The following GALNTL6 variants were observed in gnomAD, a reference collection of about 807,000 sequenced individuals.
The protein encoded by GALNTL6 is polypeptide N-acetylgalactosaminyltransferase like 6.
A neutral mutation model predicts 73.7 loss-of-function variants in GALNTL6; 46 were observed. The observed-to-expected ratio is 0.62, with a 90% CI of 0.49 to 0.80. The LOEUF is 0.80. GALNTL6 is among the 30% of genes least tolerant of loss of function. The probability of loss-of-function intolerance (pLI) is 0.00; values close to 1 mark genes in which losing one functional copy is unlikely to be tolerated. For synonymous variants in GALNTL6, 259 were observed against 263.7 expected (o/e 0.98, Z 0.17); for missense variants, 604 against 755.0 (o/e 0.80, Z 2.34).
intron 5 of GALNTL6, among the ~76,000 whole-genome samples, chr4:172,634,880 T>C (rs556956160): frequency 6.6e-6 from 1 of 152,232 alleles, no homozygotes; most frequent in South Asian, 2.1e-4. Context: ...AACAGAGATA[T>C]ATACAAAAGG....
chr4:172,184,433 C>A (rs1466024703), intron 2 of GALNTL6, among the ~76,000 whole-genome samples: 16 of 152,070 alleles, frequency 1.1e-4, no homozygotes, highest in Admixed American at 1.0e-3. Flanking sequence ...CCAGGGGTCT[C>A]TATGTCTTCT....
chr4:172,627,706 C>T (rs1739221714), intron 5 of GALNTL6, among the ~76,000 whole-genome samples: 1 of 151,656 alleles, frequency 6.6e-6, no homozygotes, highest in Non-Finnish European at 1.5e-5. Context: ...CTTAGGGTTC[C>T]AGTTTCTTCC....
At chr4:171,938,240 A>G (rs1041932976) in intron 2 of GALNTL6, among the ~76,000 whole-genome samples, 1 of 152,110 alleles carries the variant, frequency 6.6e-6, no homozygotes, top group Non-Finnish European at 1.5e-5. Flanking sequence ...AGGGAATGTT[A>G]AGTGTGAAAT....
At chr4:172,167,359 A>G (rs897879927) in intron 2 of GALNTL6, among the ~76,000 whole-genome samples, 1 of 152,210 alleles carries the variant, frequency 6.6e-6, no homozygotes. Context: ...AATTTAGAAG[A>G]TGGTATGCAT....
At chr4:172,624,948 C>T (rs1188467763) in intron 5 of GALNTL6, among the ~76,000 whole-genome samples, 5 of 151,872 alleles carry the variant, frequency 3.3e-5, no homozygotes, top group African/African-American at 1.2e-4. Context: ...GTAAGTTTTT[C>T]AACCCTTTAC....
At chr4:171,836,878 C>G (rs1345910874) in intron 2 of GALNTL6, among the ~76,000 whole-genome samples, 2 of 151,894 alleles carry the variant, frequency 1.3e-5, no homozygotes, top group Non-Finnish European at 2.9e-5. Flanking sequence ...GTTAATATGT[C>G]AAGGGAAAAA....
intron 5 of GALNTL6, among the ~76,000 whole-genome samples, chr4:172,764,157 G>A (rs7696720): frequency 0.045 from 6,797 of 152,118 alleles, 264 homozygotes; most frequent in African/African-American, 0.1. Flanking sequence ...GGGGTTTCTC[G>A]ATGTTGGTGA....
intron 2 of GALNTL6, among the ~76,000 whole-genome samples, chr4:171,846,753 CAT>C (rs1156477709): frequency 3.4e-5 from 5 of 147,938 alleles, no homozygotes; most frequent in East Asian, 2.0e-4. Context: ...TGTATATTCA[CAT>C]GTCTCTCTAG....
rs1453068982 is a variant in GALNTL6 at position 172,707,608 on chromosome 4, CT to C, written c.554-101752del. On this transcript the variant is annotated intron_variant, in intron 5 of 12. Transcript: ENST00000506823. ...AACTGTTGTTAAAGGCAAAATTATT[CT>C]GCATTTGTTAAAATCGTAAGGAAGA... Among the ~76,000 whole-genome samples, 7 of 152,284 alleles carry C rather than the reference CT, an allele frequency of 4.6e-5. No individual in the cohort carries two copies. The East Asian group carries it at 1.4e-3, about 29-fold the overall frequency.
chr4:172,413,615 T>TAG (rs1744520634), intron 5 of GALNTL6, among the ~76,000 whole-genome samples: 1 of 151,730 alleles, frequency 6.6e-6, no homozygotes, highest in Non-Finnish European at 1.5e-5. Context: ...CTAGTAACTC[T>TAG]ACTTGACATT....
At chr4:172,291,112 A>G (rs917842703) in intron 3 of GALNTL6, among the ~76,000 whole-genome samples, 4 of 152,114 alleles carry the variant, frequency 2.6e-5, no homozygotes, top group African/African-American at 9.7e-5. Context: ...AACCTGTGAC[A>G]GCGTGAAAAC....
At chr4:172,557,993 A>C (rs1736209349) in intron 5 of GALNTL6, among the ~76,000 whole-genome samples, 1 of 152,216 alleles carries the variant, frequency 6.6e-6, no homozygotes. Context: ...GAAACAACCC[A>C]AATGTCCATC....
At chr4:172,089,719 T>C (rs1282334301) in intron 2 of GALNTL6, among the ~76,000 whole-genome samples, 1 of 152,222 alleles carries the variant, frequency 6.6e-6, no homozygotes, top group Non-Finnish European at 1.5e-5. Context: ...TTTGTAATTA[T>C]ACTTTAAGTT....
intron 5 of GALNTL6, among the ~76,000 whole-genome samples, chr4:172,354,385 A>T (rs948319776): frequency 2.6e-5 from 4 of 152,176 alleles, no homozygotes; most frequent in Non-Finnish European, 5.9e-5. Context: ...ATTCAAGATT[A>T]TATGCCAAAG....
chr4:172,142,476 T>G (rs1733826460), intron 2 of GALNTL6, among the ~76,000 whole-genome samples: 2 of 152,082 alleles, frequency 1.3e-5, no homozygotes, highest in Non-Finnish European at 2.9e-5. Context: ...CATCAGCTTT[T>G]CTAGCATAGC....
intron 5 of GALNTL6, among the ~76,000 whole-genome samples, chr4:172,641,564 A>C (rs1336986580): frequency 6.6e-6 from 1 of 151,836 alleles, no homozygotes; most frequent in East Asian, 1.9e-4. Flanking sequence ...TCGCTCCTTC[A>C]CCTTCTTCAA....
At chr4:171,884,055 A>G (rs1185491895) in intron 2 of GALNTL6, among the ~76,000 whole-genome samples, 1 of 152,204 alleles carries the variant, frequency 6.6e-6, no homozygotes, top group Admixed American at 6.5e-5. Flanking sequence ...TGTTATAGTA[A>G]CATATTTTAC....
intron 2 of GALNTL6, among the ~76,000 whole-genome samples, chr4:171,892,229 C>T (rs529459781): frequency 1.3e-5 from 2 of 152,210 alleles, no homozygotes; most frequent in South Asian, 2.1e-4. Flanking sequence ...GAAATCCAAC[C>T]CTTCTGGTTT....
At chr4:172,985,633 G>A (rs889377043) in intron 10 of GALNTL6, among the ~76,000 whole-genome samples, 5 of 152,114 alleles carry the variant, frequency 3.3e-5, no homozygotes, top group Admixed American at 3.3e-4. Flanking sequence ...AAGATATTTT[G>A]GTAGTCAGAC....
Sources: allele counts gnomAD v4.1 joint callset (sites outside exome capture counted in the v4.1 genomes callset), GRCh38; gene constraint gnomAD v4.1.1; transcripts MANE v1.5; gene names NCBI Gene and HGNC (gene_info 2026-07-23, HGNC 2026-07-21).